The following IFNA21 variants were observed in gnomAD, a reference collection of about 807,000 sequenced individuals.
IFNA21 encodes interferon alpha-21.
For missense variants in IFNA21, 272 were observed against 212.7 expected (o/e 1.28, Z -1.73); for synonymous variants, 101 against 82.9 (o/e 1.22, Z -1.19).
Position 21,166,373 on chromosome 9 carries a change from G to T in IFNA21, c.240C>A (p.Leu80=). The part of the protein sequence containing the change: ...QFQKAQAISV[L]HEMIQQTFNL... ...TGAAGGTCTGCTGGATCATCTCATGGAGGACAGAGATGGCTTGAGCCTTCT... is the reference window on the plus strand; with the variant it reads ...TGAAGGTCTGCTGGATCATCTCATGTAGGACAGAGATGGCTTGAGCCTTCT... The change falls in exon 1 of 1, where the codon CTC becomes CTA. Residue 80 remains leucine, a synonymous_variant. Transcript: ENST00000380225. 1 of 1,614,132 alleles carries T rather than the reference G, an allele frequency of 6.2e-7. No homozygotes were observed. The highest frequency in any genetic ancestry group is 8.5e-7 in the Non-Finnish European group (1 of 1,180,014).
Position 21,166,072 on chromosome 9 carries a change from A to C in IFNA21, c.541T>G (p.Phe181Val), listed in dbSNP as rs1164786831. Reference protein sequence around the residue: ...IMRSFSLSKIFQERLRRKE With the variant: ...IMRSFSLSKIVQERLRRKE ...TCCTTCCTCCTTAATCTTTCTTGAA[A>C]AATTTTTGATAAAGAGAAGGATCTC... The change falls in exon 1 of 1, where the codon TTT becomes GTT. Residue 181 changes from phenylalanine (F) to valine (V), a missense_variant. By Grantham distance (50) the Phe-to-Val change is conservative (BLOSUM62 -1). Coordinates refer to ENST00000380225, the MANE Select transcript of IFNA21 (RefSeq NM_002175.2). 1.2e-6 allele frequency: 2 copies of C among 1,613,926 alleles called. No individual in the cohort carries two copies. The highest frequency in any genetic ancestry group is 1.1e-5 in the South Asian group (1 of 91,068).
In IFNA21 at chr9:21,166,346, A is replaced by G; in HGVS notation, c.267T>C (p.Asn89=). Residue 89 remains asparagine, a synonymous_variant, in exon 1 of 1, where the codon AAT becomes AAC. Coordinates refer to ENST00000380225, the MANE Select transcript of IFNA21 (RefSeq NM_002175.2). ...VLHEMIQQTF[N]LFSTKDSSAT... is the part of the protein sequence containing the mutation. ...CAGATGAGTCCTTTGTGCTGAAGAG[A>G]TTGAAGGTCTGCTGGATCATCTCAT... The G allele has an allele frequency of 6.2e-7, 1 of 1,614,108 alleles. No homozygotes were observed. Among genetic ancestry groups the G allele is most frequent in the East Asian group, 2.2e-5 (1 of 44,872 alleles).
rs1171273985 is a variant in IFNA21, at chr9:21,166,251, G to T, written c.362C>A (p.Ala121Asp). Residue 121 changes from alanine (A) to aspartate (D), a missense_variant, in exon 1 of 1, where the codon GCC becomes GAC. Transcript: ENST00000380225. ...ELNQQLNDLE[A>D]CVIQEVGVEE... Reference sequence around the variant, plus strand: ...CACCCCAACCTCCTGTATCACGCAGGCTTCCAGGTCATTCAGCTGCTGGTT... The same window carrying T: ...CACCCCAACCTCCTGTATCACGCAGTCTTCCAGGTCATTCAGCTGCTGGTT... 5 of 1,614,090 alleles carry T rather than the reference G, an allele frequency of 3.1e-6. No individual in the cohort carries two copies. The highest frequency in any genetic ancestry group is 1.1e-5 in the South Asian group (1 of 91,068).
At position 21,165,845 on chromosome 9, in the gene IFNA21, A is replaced by T; in HGVS notation, c.*198T>A. The T allele has an allele frequency of 2.1e-6, 1 of 483,070 alleles. No individual in the cohort carries two copies. The highest frequency in any genetic ancestry group is 3.5e-6 in the Non-Finnish European group (1 of 282,456). The allele number at this position is 483,070 out of a possible 1,614,324, so 29.9% of individuals were successfully genotyped here. On this transcript the variant is annotated 3_prime_UTR_variant, in exon 1 of 1. Coordinates refer to ENST00000380225, the MANE Select transcript of IFNA21 (RefSeq NM_002175.2). ...TTTCAATAGATAGATAATTAGATCTATCAGCATGGTCATCTGTAAAGGACT... is the reference window on the plus strand; with the variant it reads ...TTTCAATAGATAGATAATTAGATCTTTCAGCATGGTCATCTGTAAAGGACT...
chr9:21,166,046 T>A lies in IFNA21; in HGVS notation c.567A>T (p.Glu189Asp), dbSNP rs774497051. The change falls in exon 1 of 1, where the codon GAA becomes GAT. Residue 189 changes from glutamate to aspartate, a missense_variant. Physicochemically the swap from Glu to Asp is conservative, Grantham distance 45 (BLOSUM62 2). Coordinates refer to ENST00000380225, the MANE Select transcript of IFNA21 (RefSeq NM_002175.2). Reference sequence around the variant, plus strand: ...CATTTCCATGTTGAAACAGGTTTCATTCCTTCCTCCTTAATCTTTCTTGAA... The same window carrying A: ...CATTTCCATGTTGAAACAGGTTTCAATCCTTCCTCCTTAATCTTTCTTGAA... Reference protein sequence around the residue: ...KIFQERLRRKE With the variant: ...KIFQERLRRKD 1.9e-6 allele frequency: 3 copies of A among 1,613,416 alleles called. No homozygotes were observed. Among genetic ancestry groups the A allele is most frequent in the South Asian group, 2.2e-5 (2 of 91,036 alleles).
At position 21,166,496 on chromosome 9, in the gene IFNA21, T is replaced by C. The variant is rs1307741958; in HGVS notation, c.117A>G (p.Ile39Met). ...AGATTCTTCCCATTTGTGCCAGGAGTATCAAGGCCCTCCTATTACCCAGGC... is the reference window on the plus strand; with the variant it reads ...AGATTCTTCCCATTTGTGCCAGGAGCATCAAGGCCCTCCTATTACCCAGGC... ...THSLGNRRAL[I>M]LLAQMGRISP... Residue 39 changes from isoleucine to methionine, a missense_variant, in exon 1 of 1, where the codon ATA (isoleucine) becomes ATG (methionine). By Grantham distance (10) the Ile-to-Met change is conservative. Transcript: ENST00000380225. 36 of 1,613,874 alleles carry C rather than the reference T, an allele frequency of 2.2e-5. No homozygotes were observed. Among genetic ancestry groups the C allele is most frequent in the Non-Finnish European group, 2.9e-5 (34 of 1,179,982 alleles).
Position 21,166,560 on chromosome 9 carries a change from G to T in IFNA21, c.53C>A (p.Ser18Tyr). ...LMAVLVLSYKSICSLGCDLPQ... is the reference protein window; with the variant it reads ...LMAVLVLSYKYICSLGCDLPQ... The stretch of plus-strand genomic sequence containing the variant: ...CAGATCACAGCCCAGAGAACAGATG[G>T]ATTTGTAGCTGAGCACCAGCACGGC... The change falls in exon 1 of 1, where the codon TCC becomes TAC. Residue 18 changes from serine to tyrosine, a missense_variant. Coordinates refer to ENST00000380225, the MANE Select transcript of IFNA21 (RefSeq NM_002175.2). The T allele has an allele frequency of 6.2e-7, 1 of 1,614,032 alleles. No homozygotes were observed. The highest frequency in any genetic ancestry group is 1.1e-5 in the South Asian group (1 of 91,062).
chr9:21,165,943 C>T lies in IFNA21; in HGVS notation c.*100G>A, dbSNP rs183596312. 121 of 1,425,890 alleles carry T rather than the reference C, an allele frequency of 8.5e-5. No individual in the cohort carries two copies. Among genetic ancestry groups the T allele is most frequent in the African/African-American group, 7.6e-4 (53 of 69,742 alleles). 88.3% of individuals were successfully genotyped at this position (1,425,890 alleles called of 1,614,324 possible). On this transcript the variant is annotated 3_prime_UTR_variant, in exon 1 of 1. Transcript: ENST00000380225. The stretch of plus-strand genomic sequence containing the variant: ...TCTGAAAATTTTGATTCAACTCATG[C>T]GGTGGTTATAGGAGAAATGAGTCTT...
Position 21,165,936 on chromosome 9 carries a change from A to T in IFNA21, c.*107T>A, listed in dbSNP as rs113290016. ...GAAAAGATCTGAAAATTTTGATTCA[A>T]CTCATGCGGTGGTTATAGGAGAAAT... On this transcript the variant is annotated 3_prime_UTR_variant, in exon 1 of 1. Transcript: ENST00000380225. The T allele has an allele frequency of 5.7e-6, 8 of 1,399,956 alleles. No homozygotes were observed. The African/African-American group carries it at 7.2e-5, about 13-fold the overall frequency. The allele number at this position is 1,399,956 out of a possible 1,614,324, so 86.7% of individuals were successfully genotyped here. A position where few individuals can be genotyped will look rare whatever the true frequency, so the allele number is the denominator to read the frequency against.
chr9:21,165,659 A>G lies in IFNA21; in HGVS notation c.*384T>C, dbSNP rs34451175. On this transcript the variant is annotated 3_prime_UTR_variant, in exon 1 of 1. Transcript: ENST00000380225. ...TTTGGGCTTGGTATTTCTTTATTAA[A>G]GAATAAACAAATAATATAAGAAGTT... 0.019 allele frequency: 2,837 copies of G among 152,964 alleles called. 52 individuals are homozygous for G. Among genetic ancestry groups the G allele is most frequent in the Non-Finnish European group, 0.029 (1,990 of 68,662 alleles). 9.5% of individuals were successfully genotyped at this position (152,964 alleles called of 1,614,324 possible).
chr9:21,166,458 C>T lies in IFNA21; in HGVS notation c.155G>A (p.Cys52Tyr). 1 of 1,614,092 alleles carries T rather than the reference C, an allele frequency of 6.2e-7. No individual in the cohort carries two copies. ...TCCAAAGTCATGTCTGTCCTTCAGGCAGGAGAAAGGAGAGATTCTTCCCAT... is the reference window on the plus strand; with the variant it reads ...TCCAAAGTCATGTCTGTCCTTCAGGTAGGAGAAAGGAGAGATTCTTCCCAT... ...AQMGRISPFSCLKDRHDFGFP... is the reference protein window; with the variant it reads ...AQMGRISPFSYLKDRHDFGFP... The change falls in exon 1 of 1, where the codon TGC (cysteine) becomes TAC (tyrosine). Residue 52 changes from cysteine (C) to tyrosine (Y), a missense_variant. Cys to Tyr is a radical substitution (Grantham distance 194). Transcript: ENST00000380225.
chr9:21,165,876 C>G lies in IFNA21; in HGVS notation c.*167G>C. 1 of 802,566 alleles carries G rather than the reference C, an allele frequency of 1.2e-6. No homozygotes were observed. Among genetic ancestry groups the G allele is most frequent in the Non-Finnish European group, 1.9e-6 (1 of 514,760 alleles). 49.7% of individuals were successfully genotyped at this position (802,566 alleles called of 1,614,324 possible). A position where few individuals can be genotyped will look rare whatever the true frequency, so the allele number is the denominator to read the frequency against. On this transcript the variant is annotated 3_prime_UTR_variant, in exon 1 of 1. Coordinates refer to ENST00000380225, the MANE Select transcript of IFNA21 (RefSeq NM_002175.2). ...ATGGTCATCTGTAAAGGACTAGTGC[C>G]TGCACAGGTAAACATGATGTTTCCT...
Position 21,166,062 on chromosome 9 carries a change from C to A in IFNA21, c.551G>T (p.Arg184Ile), listed in dbSNP as rs577616759. ...CAGGTTTCATTCCTTCCTCCTTAAT[C>A]TTTCTTGAAAAATTTTTGATAAAGA... ...SFSLSKIFQE[R>I]LRRKE Residue 184 changes from arginine (R) to isoleucine (I), a missense_variant, in exon 1 of 1, where the codon AGA becomes ATA. Physicochemically the swap from Arg to Ile is moderately conservative, Grantham distance 97 (BLOSUM62 -3). Transcript: ENST00000380225. The A allele has an allele frequency of 1.1e-5, 17 of 1,613,866 alleles. No individual in the cohort carries two copies. The African/African-American group carries it at 1.9e-4, about 18-fold the overall frequency.
At position 21,165,638 on chromosome 9, in the gene IFNA21, G is replaced by A; in HGVS notation, c.*405C>T. The A allele has an allele frequency of 6.6e-6, 1 of 152,232 alleles. No individual in the cohort carries two copies. Among genetic ancestry groups the A allele is most frequent in the Non-Finnish European group, 1.5e-5 (1 of 68,426 alleles). The allele number at this position is 152,232 out of a possible 1,614,324, so 9.4% of individuals were successfully genotyped here. On this transcript the variant is annotated 3_prime_UTR_variant, in exon 1 of 1. Coordinates refer to ENST00000380225, the MANE Select transcript of IFNA21 (RefSeq NM_002175.2). ...ATTCTTTAATGAGATTGCACATTTG[G>A]GCTTGGTATTTCTTTATTAAAGAAT... is the stretch of plus-strand genomic sequence containing the variant.
In IFNA21 at chr9:21,166,216, G is replaced by C. The variant is rs761423961; in HGVS notation, c.397C>G (p.Pro133Ala). ...VIQEVGVEET[P>A]LMNVDSILAV... ...AGGATGGAGTCCACATTCATCAGGGGAGTCTCTTCCACCCCAACCTCCTGT... is the reference window on the plus strand; with the variant it reads ...AGGATGGAGTCCACATTCATCAGGGCAGTCTCTTCCACCCCAACCTCCTGT... Residue 133 changes from proline to alanine, a missense_variant, in exon 1 of 1, where the codon CCC becomes GCC. Physicochemically the swap from Pro to Ala is conservative, Grantham distance 27. Coordinates refer to ENST00000380225, the MANE Select transcript of IFNA21 (RefSeq NM_002175.2). The C allele has an allele frequency of 6.2e-6, 10 of 1,614,136 alleles. No homozygotes were observed. Among genetic ancestry groups the C allele is most frequent in the South Asian group, 2.2e-5 (2 of 91,082 alleles).
Position 21,166,539 on chromosome 9 carries a change from T to C in IFNA21, c.74A>G (p.Asp25Gly), listed in dbSNP as rs536222722. ...SYKSICSLGCDLPQTHSLGNR... is the reference protein window; with the variant it reads ...SYKSICSLGCGLPQTHSLGNR... Reference sequence around the variant, plus strand: ...ACCCAGGCTGTGGGTCTGAGGCAGATCACAGCCCAGAGAACAGATGGATTT... The same window carrying C: ...ACCCAGGCTGTGGGTCTGAGGCAGACCACAGCCCAGAGAACAGATGGATTT... The change falls in exon 1 of 1, where the codon GAT becomes GGT. Residue 25 changes from aspartate (D) to glycine (G), a missense_variant. By Grantham distance (94) the Asp-to-Gly change is moderately conservative. Coordinates refer to ENST00000380225, the MANE Select transcript of IFNA21 (RefSeq NM_002175.2). 3.7e-6 allele frequency: 6 copies of C among 1,614,062 alleles called. No homozygotes were observed. The highest frequency in any genetic ancestry group is 5.1e-6 in the Non-Finnish European group (6 of 1,179,998).
chr9:21,165,887 A>T lies in IFNA21; in HGVS notation c.*156T>A, dbSNP rs1159437586. The T allele has an allele frequency of 1.1e-6, 1 of 926,710 alleles. No homozygotes were observed. The highest frequency in any genetic ancestry group is 2.6e-5 in the East Asian group (1 of 38,004). 57.4% of individuals were successfully genotyped at this position (926,710 alleles called of 1,614,324 possible). On this transcript the variant is annotated 3_prime_UTR_variant, in exon 1 of 1. Coordinates refer to ENST00000380225, the MANE Select transcript of IFNA21 (RefSeq NM_002175.2). ...TAAAGGACTAGTGCCTGCACAGGTAAACATGATGTTTCCTTACACTCCTGA... is the reference window on the plus strand; with the variant it reads ...TAAAGGACTAGTGCCTGCACAGGTATACATGATGTTTCCTTACACTCCTGA...
chr9:21,165,960 A>G lies in IFNA21; in HGVS notation c.*83T>C. 1.3e-6 allele frequency: 2 copies of G among 1,497,260 alleles called. No homozygotes were observed. The highest frequency in any genetic ancestry group is 9.0e-7 in the Non-Finnish European group (1 of 1,110,326). The allele number at this position is 1,497,260 out of a possible 1,614,324, so 92.7% of individuals were successfully genotyped here. On this transcript the variant is annotated 3_prime_UTR_variant, in exon 1 of 1. Transcript: ENST00000380225. ...AACTCATGCGGTGGTTATAGGAGAA[A>G]TGAGTCTTTGAAATGGCAGAAGTCA...
Position 21,166,115 on chromosome 9 carries a change from A to C in IFNA21, c.498T>G (p.Val166=). 6.2e-7 allele frequency: 1 copy of C among 1,614,138 alleles called. No individual in the cohort carries two copies. Among genetic ancestry groups the C allele is most frequent in the East Asian group, 2.2e-5 (1 of 44,876 alleles). ...EKKYSPCAWE[V]VRAEIMRSFS... is the part of the protein sequence containing the mutation. ...AGGATCTCATGATTTCTGCTCTGAC[A>C]ACCTCCCAGGCACAAGGGCTGTATT... Residue 166 remains valine (V), a synonymous_variant, in exon 1 of 1, where the codon GTT becomes GTG. Transcript: ENST00000380225.
Sources: gnomAD v4.1 joint callset for allele counts on GRCh38, gnomAD v4.1.1 for gene constraint, MANE v1.5 for transcripts, NCBI Gene and HGNC (gene_info 2026-07-23, HGNC 2026-07-21) for gene names.